SPTA1: variants seen among roughly 807,000 people sequenced by gnomAD.
SPTA1 encodes the protein spectrin alpha chain, erythrocytic 1.
Under a neutral mutation model 324.7 loss-of-function variants are expected in SPTA1, and 177 were observed. That is an observed-to-expected ratio of 0.55 (90% confidence interval 0.48 to 0.62). The LOEUF is 0.62. Ranked by LOEUF, SPTA1 falls within the 20% of genes least tolerant of loss-of-function variation. The probability of loss-of-function intolerance (pLI) is 0.00; values close to 1 mark genes in which losing one functional copy is unlikely to be tolerated. For synonymous variants in SPTA1, 1,195 were observed against 1,041.3 expected (o/e 1.15, Z -2.84); for missense variants, 3,162 against 2,883.6 (o/e 1.10, Z -2.21).
chr1:158,629,118 A>AATAG (rs1013265283), intron 39 of SPTA1, among the ~76,000 whole-genome samples: 3 of 145,802 alleles, frequency 2.1e-5, no homozygotes, highest in Non-Finnish European at 4.5e-5. Flanking sequence ...TAATTCTCTC[A>AATAG]ATAGATAGAT....
chr1:158,656,507 A>G (rs1652834983), intron 20 of SPTA1, 57 bp downstream of exon 20: 1 of 1,499,900 alleles, frequency 6.7e-7, no homozygotes, highest in Non-Finnish European at 9.3e-7. Flanking sequence ...AATAAAGACA[A>G]TTTCTTTTTC....
chr1:158,636,069 C>G lies in SPTA1; in HGVS notation c.5311-35G>C, dbSNP rs188971412. On this transcript the variant is annotated intron_variant, in intron 37 of 51. Coordinates refer to ENST00000643759, the MANE Select transcript of SPTA1 (RefSeq NM_003126.4). ...AACCCCGATACATGTTCCATTACCC[C>G]ACAATCTCTCCCCATTTAGCCATAG... 1,541 of 1,614,048 alleles carry G rather than the reference C, an allele frequency of 9.5e-4. 16 individuals are homozygous for G. In the African/African-American group the frequency reaches 0.017, roughly 18 times the overall value.
chr1:158,617,434 T>G, intron 47 of SPTA1, 103 bp downstream of exon 47: 1 of 892,052 alleles, frequency 1.1e-6, no homozygotes, highest in Non-Finnish European at 1.8e-6. Context: ...GGACTTCAGG[T>G]GATACATACC....
At chr1:158,641,544 A>C (rs1373501826) in intron 33 of SPTA1, among the ~76,000 whole-genome samples, 1 of 152,216 alleles carries the variant, frequency 6.6e-6, no homozygotes, top group Non-Finnish European at 1.5e-5. Flanking sequence ...ATGCAGCCAA[A>C]AGACACATGA....
At chr1:158,685,870 C>T (rs1655136708) in intron 1 of SPTA1, among the ~76,000 whole-genome samples, 1 of 152,152 alleles carries the variant, frequency 6.6e-6, no homozygotes, top group East Asian at 1.9e-4. Flanking sequence ...ACTTGCTTTA[C>T]TCACAAACAC....
In SPTA1 at chr1:158,615,352, C is replaced by A. The variant is rs763629848; in HGVS notation, c.6652G>T (p.Asp2218Tyr). The A allele has an allele frequency of 1.2e-6, 2 of 1,614,066 alleles. No individual in the cohort carries two copies. The highest frequency in any genetic ancestry group is 1.7e-6 in the Non-Finnish European group (2 of 1,180,016). Residue 2218 changes from aspartate (D) to tyrosine (Y), a missense_variant, in exon 48 of 52, where the codon GAC becomes TAC. Asp to Tyr is a radical substitution (Grantham distance 160). Transcript: ENST00000643759. The stretch of plus-strand genomic sequence containing the variant: ...GCGTCTTCCAAGTTGTCCCCCAGGT[C>A]CACAATCTTGGTTAGTTGACGCTTC... The part of the protein sequence containing the change: ...AMKRQLTKIV[D>Y]LGDNLEDALI...
rs769626569 is a variant in SPTA1, at chr1:158,671,411, C to A, written c.1531G>T (p.Ala511Ser). Residue 511 changes from alanine (A) to serine (S), a missense_variant, in exon 12 of 52, where the codon GCA becomes TCA. Physicochemically the swap from Ala to Ser is moderately conservative, Grantham distance 99. Transcript: ENST00000643759. ...NEDLGNSLGS[A>S]EALLQKHEDF... ...TCATGCTTCTGAAGAAGGGCTTCTG[C>A]ACTGCCCAGTGAGTTTCCCAGATCC... 6.2e-7 allele frequency: 1 copy of A among 1,613,300 alleles called. No homozygotes were observed. The highest frequency in any genetic ancestry group is 2.2e-5 in the East Asian group (1 of 44,852).
At chr1:158,640,790 C>T (rs958190964) in intron 33 of SPTA1, among the ~76,000 whole-genome samples, 18 of 152,108 alleles carry the variant, frequency 1.2e-4, no homozygotes, top group Non-Finnish European at 4.4e-5. Flanking sequence ...ACTTTCTTCA[C>T]AGAATTGGAA....
intron 31 of SPTA1, 64 bp from the exon 32 acceptor site, chr1:158,643,040 C>T (rs1571431107): frequency 6.2e-7 from 1 of 1,600,044 alleles, no homozygotes; most frequent in East Asian, 2.3e-5. Context: ...GATGCCATAT[C>T]CATAAATCTT....
chr1:158,640,130 TATC>T (rs1282698066), intron 33 of SPTA1, 123 bp from the exon 34 acceptor site: 8 of 1,183,078 alleles, frequency 6.8e-6, no homozygotes, highest in Non-Finnish European at 1.0e-5. Context: ...GATACTTGAA[TATC>T]ATACATTTCA....
Position 158,666,414 on chromosome 1 carries a change from A to T in SPTA1, c.2122T>A (p.Trp708Arg), listed in dbSNP as rs1486630362. ...CCATAATCCTCAGAGGTGACTTGCC[A>T]CTCAACATCCTCCAGCCAGCGCTGC... ...DLQRWLEDVE[W>R]QVTSEDYGKG... Residue 708 changes from tryptophan to arginine, a missense_variant, in exon 16 of 52, where the codon TGG (tryptophan) becomes AGG (arginine). Transcript: ENST00000643759. The T allele has an allele frequency of 6.2e-7, 1 of 1,613,696 alleles. No homozygotes were observed. The highest frequency in any genetic ancestry group is 2.2e-5 in the East Asian group (1 of 44,824).
intron 22 of SPTA1, 22 bp downstream of exon 22, chr1:158,653,252 T>C (rs1182208077): frequency 8.7e-6 from 14 of 1,614,026 alleles, no homozygotes; most frequent in Non-Finnish European, 1.2e-5. Flanking sequence ...TACTGTTCAG[T>C]TCTCCAGGCT....
In SPTA1 at chr1:158,657,585, G is replaced by C. The variant is rs1652919309; in HGVS notation, c.2697C>G (p.Val899=). The change falls in exon 19 of 52, where the codon GTC becomes GTG. Residue 899 remains valine, a synonymous_variant. Transcript: ENST00000643759. Reference sequence around the variant, plus strand: ...GGTCAGCCAGGTACTGCTGGAACTGGACATTGGCTTCAAGATCATTTTGTC... The same window carrying C: ...GGTCAGCCAGGTACTGCTGGAACTGCACATTGGCTTCAAGATCATTTTGTC... ...ARRQNDLEAN[V]QFQQYLADLH... 6.2e-7 allele frequency: 1 copy of C among 1,613,974 alleles called. No homozygotes were observed. The highest frequency in any genetic ancestry group is 1.3e-5 in the African/African-American group (1 of 74,890).
chr1:158,685,975 A>G (rs866020238), intron 1 of SPTA1, among the ~76,000 whole-genome samples: 2 of 152,188 alleles, frequency 1.3e-5, no homozygotes, highest in Non-Finnish European at 2.9e-5. Context: ...AAAAACTTTT[A>G]CTCTAAAACA....
At chr1:158,640,182 T>C (rs912763068) in intron 33 of SPTA1, among the ~76,000 whole-genome samples, 175 bp from the exon 34 acceptor site, 3 of 152,206 alleles carry the variant, frequency 2.0e-5, no homozygotes, top group Admixed American at 6.6e-5. Context: ...ATAGGAGTTG[T>C]TGGACAAAAG....
At chr1:158,674,903 G>T (rs1405486916) in intron 8 of SPTA1, among the ~76,000 whole-genome samples, 1 of 152,046 alleles carries the variant, frequency 6.6e-6, no homozygotes, top group Non-Finnish European at 1.5e-5. Context: ...TGTTGCTGTG[G>T]GATGTGACCC....
intron 39 of SPTA1, among the ~76,000 whole-genome samples, chr1:158,632,521 A>G (rs1402938336): frequency 8.5e-5 from 13 of 152,190 alleles, no homozygotes; most frequent in African/African-American, 3.1e-4. Flanking sequence ...TTCACTGAGG[A>G]AAAATACAGA....
At chr1:158,658,909 C>A (rs1653014135) in intron 18 of SPTA1, among the ~76,000 whole-genome samples, 1 of 151,702 alleles carries the variant, frequency 6.6e-6, no homozygotes, top group Non-Finnish European at 1.5e-5. Context: ...AAATATATTT[C>A]AAAAAGGAAG....
intron 24 of SPTA1, among the ~76,000 whole-genome samples, chr1:158,650,247 G>A (rs1652323965): frequency 6.6e-6 from 1 of 152,192 alleles, no homozygotes; most frequent in Admixed American, 6.5e-5. Flanking sequence ...AATGGGAAGT[G>A]TTGCCTTGGT....
Sources: gnomAD v4.1 joint callset for allele counts (sites outside exome capture counted in the v4.1 genomes callset) on GRCh38, gnomAD v4.1.1 for gene constraint, MANE v1.5 for transcripts, NCBI Gene and HGNC (gene_info 2026-07-23, HGNC 2026-07-21) for gene names.